The following ART1 variants were observed in gnomAD, a reference collection of about 807,000 sequenced individuals.
ART1 encodes GPI-linked NAD(P)(+)--arginine ADP-ribosyltransferase 1.
Under a neutral mutation model 27.0 loss-of-function variants are expected in ART1, and 29 were observed. That is an observed-to-expected ratio of 1.08 (90% CI 0.80 to 1.47). The LOEUF is 1.47. Ranked by LOEUF, ART1 falls within the 40% of genes most tolerant of loss-of-function variation. ART1 has a pLI of 0.00. For missense variants in ART1, 480 were observed against 423.0 expected (o/e 1.13, Z -1.18); for synonymous variants, 201 against 172.2 (o/e 1.17, Z -1.31).
Position 3,659,775 on chromosome 11 carries a change from T to C in ART1, c.256T>C (p.Trp86Arg), listed in dbSNP as rs369847291. 2 of 1,613,546 alleles carry C rather than the reference T, an allele frequency of 1.2e-6. No homozygotes were observed. The highest frequency in any genetic ancestry group is 2.7e-5 in the African/African-American group (2 of 74,922). ...CAGCTGGACACTGGCAAGCAGCCAA[T>C]GGCAGGAGCGTCAGGCCAGGTGGCC... ...ADSWTLASSQ[W>R]QERQARWPEW... The change falls in exon 3 of 5, where the codon TGG becomes CGG. Residue 86 changes from tryptophan to arginine, a missense_variant. Trp to Arg is a moderately radical substitution (Grantham distance 101, BLOSUM62 -3). Coordinates refer to ENST00000250693, the MANE Select transcript of ART1 (RefSeq NM_004314.3).
intron 1 of ART1, among the ~76,000 whole-genome samples, chr11:3,656,977 C>A (rs181245733): frequency 2.0e-5 from 3 of 152,178 alleles, no homozygotes; most frequent in Non-Finnish European, 4.4e-5. Flanking sequence ...TCATACTTCA[C>A]ATTTAAATTG....
intron 4 of ART1, among the ~76,000 whole-genome samples, chr11:3,662,701 G>A (rs11028849): frequency 0.073 from 11,149 of 152,162 alleles, 1,023 homozygotes; most frequent in African/African-American, 0.21. Flanking sequence ...AAAATTAGCC[G>A]GGCGTGGTGG....
At position 3,659,845 on chromosome 11, in the gene ART1, G is replaced by A; in HGVS notation, c.326G>A (p.Gly109Asp). 1.2e-6 allele frequency: 2 copies of A among 1,612,380 alleles called. No homozygotes were observed. Among genetic ancestry groups the A allele is most frequent in the South Asian group, 2.2e-5 (2 of 90,932 alleles). The stretch of plus-strand genomic sequence containing the variant: ...ACCCGTCCATCCCCGCCACCCCTGG[G>A]CTTCCGCGATGAGCATGGGGTGGCC... ...SPTRPSPPPL[G>D]FRDEHGVALL... The change falls in exon 3 of 5, where the codon GGC becomes GAC. Residue 109 changes from glycine (G) to aspartate (D), a missense_variant. Gly to Asp is a moderately conservative substitution (Grantham distance 94). Transcript: ENST00000250693.
At chr11:3,660,627 T>C (rs2077613551) in intron 3 of ART1, among the ~76,000 whole-genome samples, 1 of 152,218 alleles carries the variant, frequency 6.6e-6, no homozygotes, top group African/African-American at 2.4e-5. Context: ...CGCAGCGGTC[T>C]CTGGCCATTT....
chr11:3,664,292 C>A lies in ART1; in HGVS notation c.*103C>A. ...CCAAGATTCCTGTCAATCCCATCTG[C>A]AGGGAACTCTGGGACCTTCTCTGGT... On this transcript the variant is annotated 3_prime_UTR_variant, in exon 5 of 5. Transcript: ENST00000250693. 1 of 1,151,600 alleles carries A rather than the reference C, an allele frequency of 8.7e-7. No homozygotes were observed. Among genetic ancestry groups the A allele is most frequent in the Non-Finnish European group, 1.3e-6 (1 of 789,404 alleles). 71.3% of individuals were successfully genotyped at this position (1,151,600 alleles called of 1,614,324 possible). A position where few individuals can be genotyped will look rare whatever the true frequency, so the allele number is the denominator to read the frequency against.
At chr11:3,653,216 A>G (rs1385522527) in intron 1 of ART1, among the ~76,000 whole-genome samples, 3 of 148,828 alleles carry the variant, frequency 2.0e-5, no homozygotes, top group Non-Finnish European at 2.9e-5. Flanking sequence ...TATTAATATA[A>G]GAAGACAGGA....
Position 3,655,111 on chromosome 11 carries a change from G to A in ART1, c.-52-4051G>A, listed in dbSNP as rs112385210. Among the ~76,000 whole-genome samples, 749 of 152,316 alleles carry A rather than the reference G, an allele frequency of 4.9e-3. 4 individuals carry two copies. The highest frequency in any genetic ancestry group is 0.017 in the African/African-American group (712 of 41,558). On this transcript the variant is annotated intron_variant, in intron 1 of 4. Transcript: ENST00000250693. Reference sequence around the variant, plus strand: ...TTGGTTGGGCAGCTCTGCTCAGGCCGCCGGTCTGGCTCAGCTGGGGTCTTC... The same window carrying A: ...TTGGTTGGGCAGCTCTGCTCAGGCCACCGGTCTGGCTCAGCTGGGGTCTTC...
intron 1 of ART1, among the ~76,000 whole-genome samples, chr11:3,655,152 G>T (rs2077561776): frequency 6.6e-6 from 1 of 152,174 alleles, no homozygotes; most frequent in Admixed American, 6.5e-5. Context: ...TCTGGGCTGG[G>T]CTCAGGTCTG....
chr11:3,663,145 A>ATCTCATC (rs1487912624), intron 4 of ART1, among the ~76,000 whole-genome samples: 1 of 106,520 alleles, frequency 9.4e-6, no homozygotes, highest in African/African-American at 3.1e-5. Context: ...TCATCTCATC[A>ATCTCATC]TCATCTCATC....
rs1339418463 is a variant in ART1 at position 3,645,192 on chromosome 11, C to A, written c.-53+13C>A. ...GGACAAGGCCTAGGTAAGGAGTGCA[C>A]CACTCTCCTCCTGGGTGCTGGGCAG... On this transcript the variant is annotated intron_variant, in intron 1 of 4. Coordinates refer to ENST00000250693, the MANE Select transcript of ART1 (RefSeq NM_004314.3). 1.3e-5 allele frequency: 2 copies of A among 152,064 alleles called. No homozygotes were observed. Among genetic ancestry groups the A allele is most frequent in the Non-Finnish European group, 2.9e-5 (2 of 68,018 alleles). The allele number at this position is 152,064 out of a possible 1,614,324, so 9.4% of individuals were successfully genotyped here.
At chr11:3,663,313 C>T (rs916990515) in intron 4 of ART1, among the ~76,000 whole-genome samples, 1 of 152,136 alleles carries the variant, frequency 6.6e-6, no homozygotes, top group African/African-American at 2.4e-5. Flanking sequence ...AGCTTCCAAC[C>T]CAGGCATCTT....
chr11:3,647,831 G>T (rs1309967018), intron 1 of ART1, among the ~76,000 whole-genome samples: 2 of 150,916 alleles, frequency 1.3e-5, no homozygotes, highest in African/African-American at 4.9e-5. Context: ...CTTCAATGAG[G>T]CTGAAAAAAA....
chr11:3,650,459 G>C (rs115901547), intron 1 of ART1, among the ~76,000 whole-genome samples: 1 of 152,126 alleles, frequency 6.6e-6, no homozygotes, highest in Admixed American at 6.5e-5. Flanking sequence ...CAGGGACTCC[G>C]AGCTTTGAGT....
intron 4 of ART1, among the ~76,000 whole-genome samples, chr11:3,662,084 C>A (rs1203688325): frequency 6.6e-6 from 1 of 152,228 alleles, no homozygotes; most frequent in Admixed American, 6.5e-5. Context: ...CAGTGCAGAA[C>A]CCACTGTCTC....
intron 2 of ART1, 145 bp from the exon 3 acceptor site, chr11:3,659,436 TTA>T: frequency 3.0e-6 from 4 of 1,354,824 alleles, no homozygotes; most frequent in Non-Finnish European, 4.0e-6. Flanking sequence ...CTTGGGGAAA[TTA>T]CAGCCAGAGG....
intron 4 of ART1, 76 bp downstream of exon 4, chr11:3,661,489 TC>T (rs1746626433): frequency 1.9e-4 from 144 of 769,644 alleles, no homozygotes; most frequent in Non-Finnish European, 2.5e-4. Context: ...ATCACCTCGA[TC>T]TTTTTTTTTT....
chr11:3,659,625 G>C lies in ART1; in HGVS notation c.106G>C (p.Glu36Gln). 1 of 1,612,626 alleles carries C rather than the reference G, an allele frequency of 6.2e-7. No individual in the cohort carries two copies. ...PITRRDLFSQEIQLDMALASF... is the reference protein window; with the variant it reads ...PITRRDLFSQQIQLDMALASF... ...CACACGACGAGACCTCTTCTCTCAA[G>C]AGATTCAGCTGGACATGGCCCTGGC... Residue 36 changes from glutamate to glutamine, a missense_variant, in exon 3 of 5, where the codon GAG (glutamate) becomes CAG (glutamine). Coordinates refer to ENST00000250693, the MANE Select transcript of ART1 (RefSeq NM_004314.3).
Position 3,659,604 on chromosome 11 carries a change from C to G in ART1, c.85C>G (p.Arg29Gly). 1 of 1,606,158 alleles carries G rather than the reference C, an allele frequency of 6.2e-7. No homozygotes were observed. ...ALQAQSHPIT[R>G]RDLFSQEIQL... ...TCAGGCCCAGAGCCACCCCATCACA[C>G]GACGAGACCTCTTCTCTCAAGAGAT... Residue 29 changes from arginine (R) to glycine (G), a missense_variant, in exon 3 of 5, where the codon CGA becomes GGA. By Grantham distance (125) the Arg-to-Gly change is moderately radical (BLOSUM62 -2). Transcript: ENST00000250693.
In ART1 at chr11:3,659,883, A is replaced by C. The variant is rs761390636; in HGVS notation, c.364A>C (p.Thr122Pro). 1 of 1,612,896 alleles carries C rather than the reference A, an allele frequency of 6.2e-7. No individual in the cohort carries two copies. The change falls in exon 3 of 5, where the codon ACA becomes CCA. Residue 122 changes from threonine (T) to proline (P), a missense_variant. Physicochemically the swap from Thr to Pro is conservative, Grantham distance 38 (BLOSUM62 -1). Transcript: ENST00000250693. The stretch of plus-strand genomic sequence containing the variant: ...GCATGGGGTGGCCCTCCTGGCCTAC[A>C]CAGCCAACAGCCCCCTGCACAAGGA... ...DEHGVALLAY[T>P]ANSPLHKEFN... is the part of the protein sequence containing the mutation.
Sources: allele counts gnomAD v4.1 joint callset (sites outside exome capture counted in the v4.1 genomes callset), GRCh38; gene constraint gnomAD v4.1.1; transcripts MANE v1.5; gene names NCBI Gene and HGNC (gene_info 2026-07-23, HGNC 2026-07-21).